The following LYRM4 variants were observed in gnomAD, a reference collection of about 807,000 sequenced individuals.
The protein encoded by LYRM4 is LYR motif-containing protein 4.
Under a neutral mutation model 11.7 loss-of-function variants are expected in LYRM4, and 9 were observed. That is an observed-to-expected ratio of 0.77 (90% CI 0.46 to 1.34). The LOEUF (loss-of-function observed/expected upper bound fraction) is 1.34. Among genes scored for constraint, LYRM4 ranks in the 40% most tolerant of loss-of-function variants. The probability of loss-of-function intolerance (pLI) is 0.00; values close to 1 mark genes in which losing one functional copy is unlikely to be tolerated. For missense variants in LYRM4, 133 were observed against 112.5 expected, an observed-to-expected ratio of 1.18 and a Z score of -0.82; for synonymous variants, 42 against 40.4, an observed-to-expected ratio of 1.04 and a Z score of -0.15.
the LYRM4 span, among the ~76,000 whole-genome samples, chr6:5,037,009 ATTTT>A: frequency 1.4e-4 from 4 of 28,722 alleles, 1 homozygote; most frequent in African/African-American, 3.9e-4. Flanking sequence ...TTTAGCTTGT[ATTTT>A]TTTTTTTTTT....
At chr6:5,145,416 G>C (rs1046053308) in intron 2 of LYRM4, among the ~76,000 whole-genome samples, 1 of 152,206 alleles carries the variant, frequency 6.6e-6, no homozygotes, top group African/African-American at 2.4e-5. Context: ...TTTTGCAGGA[G>C]AGGAAACTGA....
Position 5,208,126 on chromosome 6 carries a change from G to A in LYRM4, c.207+8492C>T, listed in dbSNP as rs148257655. Among the ~76,000 whole-genome samples, 7 of 152,308 alleles carry A rather than the reference G, an allele frequency of 4.6e-5. No homozygotes were observed. In the East Asian group the frequency reaches 9.7e-4, roughly 21 times the overall value. On this transcript the variant is annotated intron_variant, in intron 2 of 2. Coordinates refer to ENST00000330636, the MANE Select transcript of LYRM4 (RefSeq NM_020408.6). ...TTCTCTTAGGAGACACTGAGACAACGTATTCAAAGTGTGGAGTACAGTGTG... is the reference window on the plus strand; with the variant it reads ...TTCTCTTAGGAGACACTGAGACAACATATTCAAAGTGTGGAGTACAGTGTG...
chr6:5,067,783 A>T, the LYRM4 span, among the ~76,000 whole-genome samples: 1 of 152,256 alleles, frequency 6.6e-6, no homozygotes. Context: ...GTTACGATAC[A>T]CACAAAGTAA....
rs1179679080 is a variant in LYRM4 at position 5,155,709 on chromosome 6, C to A, written c.208-46218G>T. 2.0e-5 allele frequency among the ~76,000 whole-genome samples: 3 copies of A among 152,206 alleles called. 1 individual carries two copies. Among genetic ancestry groups the A allele is most frequent in the Non-Finnish European group, 4.4e-5 (3 of 68,038 alleles). ...AAAGTGTTGGGCCTGTTTTTCTTGG[C>A]AGCAAAACGTATGGATAGCCTCTCC... On this transcript the variant is annotated intron_variant, in intron 2 of 2. Transcript: ENST00000330636.
At chr6:5,089,642 AT>A in the LYRM4 span, among the ~76,000 whole-genome samples, 5 of 152,364 alleles carry the variant, frequency 3.3e-5, no homozygotes, top group African/African-American at 1.2e-4. Flanking sequence ...CAAATGATTC[AT>A]TTTAAAAGAA....
the LYRM4 span, chr6:5,066,800 T>G: frequency 1.5e-5 from 11 of 743,726 alleles, no homozygotes; most frequent in Non-Finnish European, 2.4e-5. Flanking sequence ...ACACCCTCCT[T>G]GGTGAGTTCC....
At chr6:5,149,056 A>G (rs1561831051) in intron 2 of LYRM4, among the ~76,000 whole-genome samples, 1 of 152,204 alleles carries the variant, frequency 6.6e-6, no homozygotes, top group Admixed American at 6.5e-5. Flanking sequence ...AAATGACACC[A>G]TCTTTCAGAT....
intron 2 of LYRM4, among the ~76,000 whole-genome samples, chr6:5,204,526 C>G (rs572058443): frequency 6.6e-6 from 1 of 152,310 alleles, no homozygotes; most frequent in Admixed American, 6.5e-5. Context: ...AAACAGGTAA[C>G]TGACTTCTCC....
chr6:5,168,709 T>G (rs1759237481), intron 2 of LYRM4, among the ~76,000 whole-genome samples: 1 of 152,180 alleles, frequency 6.6e-6, no homozygotes, highest in African/African-American at 2.4e-5. Context: ...TATTGGATTG[T>G]ATTTTCCGGC....
At chr6:5,186,611 G>T (rs1160563495) in intron 2 of LYRM4, 6 of 979,798 alleles carry the variant, frequency 6.1e-6, no homozygotes, top group African/African-American at 1.8e-5. Flanking sequence ...AAATGCAAGA[G>T]AATTTTTATT....
chr6:5,140,335 G>C (rs1436176353), intron 2 of LYRM4, among the ~76,000 whole-genome samples: 1 of 151,862 alleles, frequency 6.6e-6, no homozygotes, highest in Non-Finnish European at 1.5e-5. Flanking sequence ...AGTTAAACTT[G>C]GTTAAATTTA....
At chr6:5,160,849 G>T (rs1168598104) in intron 2 of LYRM4, among the ~76,000 whole-genome samples, 3 of 152,132 alleles carry the variant, frequency 2.0e-5, no homozygotes, top group Non-Finnish European at 4.4e-5. Flanking sequence ...AAGTCAACTG[G>T]CCATTTATAG....
chr6:5,149,494 T>G (rs1039196795), intron 2 of LYRM4, among the ~76,000 whole-genome samples: 1 of 152,244 alleles, frequency 6.6e-6, no homozygotes, highest in South Asian at 2.1e-4. Context: ...CCTCTTTACA[T>G]GTCTGCTTTC....
At chr6:5,070,651 G>A in the LYRM4 span, among the ~76,000 whole-genome samples, 3 of 151,828 alleles carry the variant, frequency 2.0e-5, no homozygotes, top group Non-Finnish European at 4.4e-5. Flanking sequence ...TGAGAGGGGA[G>A]GATTGCTGAA....
chr6:5,159,422 A>G (rs142067074), intron 2 of LYRM4, among the ~76,000 whole-genome samples: 10 of 152,358 alleles, frequency 6.6e-5, no homozygotes, highest in East Asian at 5.8e-4. Context: ...TCAATGCATT[A>G]TCAGAAGCTG....
intron 2 of LYRM4, chr6:5,186,937 T>TCA: frequency 2.1e-6 from 1 of 471,934 alleles, no homozygotes; most frequent in Non-Finnish European, 2.9e-6. Flanking sequence ...TGAGCTGAGA[T>TCA]CGTTCCAATG....
At chr6:5,065,982 A>T in the LYRM4 span, 1 of 295,726 alleles carries the variant, frequency 3.4e-6, no homozygotes, top group South Asian at 4.7e-5. Context: ...GGTCTATTAG[A>T]TTGGCACTGC....
chr6:5,164,946 C>T (rs375381884), intron 2 of LYRM4, among the ~76,000 whole-genome samples: 14 of 122,250 alleles, frequency 1.1e-4, no homozygotes, highest in African/African-American at 3.9e-4. Context: ...CTAGCCTGGG[C>T]GACAGAGTGA....
intron 2 of LYRM4, among the ~76,000 whole-genome samples, chr6:5,143,305 A>C (rs1757511601): frequency 2.6e-5 from 4 of 152,028 alleles, no homozygotes; most frequent in Admixed American, 2.6e-4. Flanking sequence ...ACTTATGGCA[A>C]CCTCTGGGGC....
Sources: gnomAD v4.1 joint callset for allele counts (sites outside exome capture counted in the v4.1 genomes callset) on GRCh38, gnomAD v4.1.1 for gene constraint, MANE v1.5 for transcripts, NCBI Gene and HGNC (gene_info 2026-07-23, HGNC 2026-07-21) for gene names.